Variants in GTF2IRD1 observed in about 807,000 individuals in gnomAD.
The protein encoded by GTF2IRD1 is general transcription factor II-I repeat domain-containing protein 1.
In GTF2IRD1, 26 loss-of-function variants were observed where a neutral mutation model predicts 113.2. The ratio of observed to expected loss-of-function variants is 0.23; its 90% confidence interval spans 0.17 to 0.32. The LOEUF is 0.32. Among genes scored for constraint, GTF2IRD1 ranks in the 10% least tolerant of loss-of-function variants. The pLI is 1.00. For synonymous variants in GTF2IRD1, 484 were observed against 529.1 expected, an observed-to-expected ratio of 0.91 and a Z score of 1.17; for missense variants, 864 against 1,280.8, an observed-to-expected ratio of 0.67 and a Z score of 4.97.
chr7:74,510,381 A>T (rs1344432067), intron 2 of GTF2IRD1, among the ~76,000 whole-genome samples: 1 of 148,312 alleles, frequency 6.7e-6, no homozygotes, highest in South Asian at 2.1e-4. Flanking sequence ...ATCTTGGCTC[A>T]CTGCAACCTC....
chr7:74,530,649 C>G (rs140974223), intron 9 of GTF2IRD1, among the ~76,000 whole-genome samples: 1 of 150,020 alleles, frequency 6.7e-6, no homozygotes, highest in African/African-American at 2.5e-5. Context: ...ATGGCCCCCC[C>G]GACCCAAGTT....
At chr7:74,504,705 CTTT>C (rs561437934) in intron 1 of GTF2IRD1, among the ~76,000 whole-genome samples, 12 of 116,144 alleles carry the variant, frequency 1.0e-4, no homozygotes, top group East Asian at 2.5e-4. Flanking sequence ...AGAATTTTTA[CTTT>C]TTTTTTTTTT....
chr7:74,466,576 C>T (rs1288253831), intron 1 of GTF2IRD1, among the ~76,000 whole-genome samples: 3 of 152,092 alleles, frequency 2.0e-5, no homozygotes, highest in Admixed American at 1.3e-4. Context: ...CTAGAGCGTG[C>T]GTAATGCTCC....
At chr7:74,546,218 C>CTTTTTTTTTTTT (rs1222914895) in intron 16 of GTF2IRD1, among the ~76,000 whole-genome samples, 1 of 126,512 alleles carries the variant, frequency 7.9e-6, no homozygotes, top group Non-Finnish European at 1.7e-5. Context: ...CCATGTTTTT[C>CTTTTTTTTTTTT]TTTTTTTTTT....
At chr7:74,564,992 G>A (rs189116713) in intron 22 of GTF2IRD1, among the ~76,000 whole-genome samples, 3 of 152,214 alleles carry the variant, frequency 2.0e-5, no homozygotes, top group Admixed American at 1.3e-4. Context: ...GGGGTTTCTG[G>A]GGGCCAGGGG....
intron 2 of GTF2IRD1, among the ~76,000 whole-genome samples, chr7:74,508,690 TAAA>T (rs35760074): frequency 3.0e-5 from 4 of 132,044 alleles, no homozygotes; most frequent in East Asian, 2.5e-4. Flanking sequence ...GACTCCGTCT[TAAA>T]AAAAAAAAAA....
At chr7:74,516,826 C>T (rs1424832734) in intron 4 of GTF2IRD1, among the ~76,000 whole-genome samples, 2 of 152,082 alleles carry the variant, frequency 1.3e-5, no homozygotes, top group East Asian at 3.9e-4. Context: ...TTCAAGGAGG[C>T]TATGAGAGGA....
chr7:74,507,064 A>T (rs1554341266), intron 1 of GTF2IRD1: 1 of 152,130 alleles, frequency 6.6e-6, no homozygotes, highest in Non-Finnish European at 1.5e-5. Context: ...TTGATGCAGA[A>T]ATGTGACGGC....
chr7:74,526,600 G>C (rs777623444), intron 8 of GTF2IRD1, among the ~76,000 whole-genome samples: 81 of 152,318 alleles, frequency 5.3e-4, no homozygotes, highest in Non-Finnish European at 1.0e-3. Context: ...GAGGGTGCAT[G>C]GTGGCACTGC....
intron 11 of GTF2IRD1, among the ~76,000 whole-genome samples, chr7:74,536,880 G>A (rs781827960): frequency 1.3e-5 from 2 of 151,954 alleles, no homozygotes; most frequent in Non-Finnish European, 2.9e-5. Context: ...GGAGGCTGAG[G>A]TGGGTGGATC....
chr7:74,460,645 G>A (rs1793302512), intron 1 of GTF2IRD1, among the ~76,000 whole-genome samples: 1 of 148,012 alleles, frequency 6.8e-6, no homozygotes, highest in Admixed American at 6.7e-5. Flanking sequence ...GGTGCCCAGG[G>A]ATCCCCAGTT....
intron 1 of GTF2IRD1, among the ~76,000 whole-genome samples, chr7:74,480,827 C>T (rs1200790991): frequency 6.6e-6 from 1 of 152,132 alleles, no homozygotes. Flanking sequence ...TTTGAGTGCT[C>T]CTAGTACCTG....
intron 1 of GTF2IRD1, among the ~76,000 whole-genome samples, chr7:74,455,506 A>G (rs1554326995): frequency 1.3e-5 from 2 of 152,152 alleles, no homozygotes. Context: ...GTGTCATTCC[A>G]GAGGGGAAGG....
intron 22 of GTF2IRD1, among the ~76,000 whole-genome samples, chr7:74,570,133 G>A (rs1458037214): frequency 3.9e-5 from 6 of 152,014 alleles, no homozygotes; most frequent in African/African-American, 1.2e-4. Flanking sequence ...AGGCTGAGGC[G>A]GGTAGATCAC....
At chr7:74,537,092 C>G (rs2130553210) in intron 11 of GTF2IRD1, among the ~76,000 whole-genome samples, 1 of 152,124 alleles carries the variant, frequency 6.6e-6, no homozygotes, top group African/African-American at 2.4e-5. Context: ...GCCTGGGCAA[C>G]AGAGTAAAGA....
At chr7:74,484,362 A>G (rs1794902288) in intron 1 of GTF2IRD1, among the ~76,000 whole-genome samples, 1 of 151,140 alleles carries the variant, frequency 6.6e-6, no homozygotes, top group Non-Finnish European at 1.5e-5. Context: ...GCTCACTGCA[A>G]CCTCTACCTC....
chr7:74,459,613 C>A (rs1793230698), intron 1 of GTF2IRD1, among the ~76,000 whole-genome samples: 1 of 152,134 alleles, frequency 6.6e-6, no homozygotes, highest in African/African-American at 2.4e-5. Flanking sequence ...TATTTGTGTG[C>A]CCACCTGTCA....
chr7:74,538,332 G>A (rs1422266123), intron 12 of GTF2IRD1, among the ~76,000 whole-genome samples, 159 bp downstream of exon 12: 2 of 152,344 alleles, frequency 1.3e-5, no homozygotes, highest in South Asian at 4.1e-4. Context: ...GCAGAGCTGA[G>A]GTGCAAGGCA....
At chr7:74,588,638 C>T (rs1212623114) in intron 22 of GTF2IRD1, among the ~76,000 whole-genome samples, 2 of 152,064 alleles carry the variant, frequency 1.3e-5, no homozygotes, top group Non-Finnish European at 2.9e-5. Context: ...TCAAGTGATT[C>T]TCCTACCTCA....
Sources: gnomAD v4.1 joint callset for allele counts (sites outside exome capture counted in the v4.1 genomes callset) on GRCh38, gnomAD v4.1.1 for gene constraint, MANE v1.5 for transcripts, NCBI Gene and HGNC (gene_info 2026-07-23, HGNC 2026-07-21) for gene names.